The following PRELID2 variants were observed in gnomAD, a reference collection of about 807,000 sequenced individuals.
PRELID2 encodes PRELI domain containing 2.
In PRELID2, 25 loss-of-function variants were observed where a neutral mutation model predicts 28.4. The observed-to-expected ratio is 0.88, with a 90% confidence interval of 0.64 to 1.23. The LOEUF is 1.23. Ranked by LOEUF, PRELID2 falls within the 50% of genes most tolerant of loss-of-function variation. PRELID2 has a pLI of 0.00. For missense variants in PRELID2, 201 were observed against 214.4 expected, an observed-to-expected ratio of 0.94 and a Z score of 0.39; for synonymous variants, 76 against 71.6, an observed-to-expected ratio of 1.06 and a Z score of -0.31.
chr5:145,497,212 T>C (rs1424118270), intron 1 of PRELID2, among the ~76,000 whole-genome samples: 3 of 152,138 alleles, frequency 2.0e-5, no homozygotes, highest in African/African-American at 7.2e-5. Context: ...GTTTTAGAGA[T>C]TTCCCAGGGG....
At chr5:145,363,813 A>G in the PRELID2 span, among the ~76,000 whole-genome samples, 15 of 152,172 alleles carry the variant, frequency 9.9e-5, no homozygotes, top group Admixed American at 2.0e-4. Context: ...AGTTATGTTT[A>G]CAGCGTTCTG....
the PRELID2 span, among the ~76,000 whole-genome samples, chr5:145,349,346 A>G: frequency 3.3e-5 from 5 of 152,156 alleles, no homozygotes; most frequent in African/African-American, 9.7e-5. Context: ...AACATTTGCC[A>G]TTATGGCTGC....
chr5:145,561,415 G>T (rs1752924546), intron 1 of PRELID2, among the ~76,000 whole-genome samples: 1 of 152,058 alleles, frequency 6.6e-6, no homozygotes, highest in Admixed American at 6.6e-5. Context: ...CTCCCAGACA[G>T]GGGCTTTATT....
chr5:145,569,855 G>C (rs1753001969), intron 1 of PRELID2, among the ~76,000 whole-genome samples: 1 of 152,036 alleles, frequency 6.6e-6, no homozygotes, highest in Non-Finnish European at 1.5e-5. Flanking sequence ...TGTGAATTTT[G>C]TAAGTCTTTG....
chr5:145,723,165 T>C (rs1413212217), intron 1 of PRELID2, among the ~76,000 whole-genome samples: 1 of 152,170 alleles, frequency 6.6e-6, no homozygotes, highest in Non-Finnish European at 1.5e-5. Context: ...ATAGAATTCA[T>C]CACCATACTG....
At chr5:145,387,118 G>A in the PRELID2 span, among the ~76,000 whole-genome samples, 9 of 152,192 alleles carry the variant, frequency 5.9e-5, no homozygotes, top group East Asian at 7.7e-4. Flanking sequence ...AATAACACTC[G>A]GGTAATGTGC....
At chr5:145,428,807 C>A in the PRELID2 span, among the ~76,000 whole-genome samples, 1 of 152,006 alleles carries the variant, frequency 6.6e-6, no homozygotes, top group Admixed American at 6.6e-5. Context: ...AAGAAATAAG[C>A]AAGGGAGGCA....
intron 6 of PRELID2, among the ~76,000 whole-genome samples, chr5:145,761,148 T>C (rs1283761550): frequency 6.6e-6 from 1 of 152,216 alleles, no homozygotes; most frequent in African/African-American, 2.4e-5. Context: ...ATAAAAATAT[T>C]AAATACTGTC....
At chr5:145,651,682 G>A (rs1288851091) in intron 1 of PRELID2, among the ~76,000 whole-genome samples, 1 of 152,206 alleles carries the variant, frequency 6.6e-6, no homozygotes, top group African/African-American at 2.4e-5. Context: ...CAACAGACCT[G>A]CAGCTGAGGG....
the PRELID2 span, among the ~76,000 whole-genome samples, chr5:145,387,061 ATAG>A: frequency 5.3e-5 from 8 of 152,324 alleles, no homozygotes; most frequent in South Asian, 1.7e-3. Flanking sequence ...ACATAAATTA[ATAG>A]TAGTCAATAA....
the PRELID2 span, among the ~76,000 whole-genome samples, chr5:145,403,351 A>C: frequency 5.3e-5 from 8 of 152,198 alleles, no homozygotes; most frequent in Non-Finnish European, 1.2e-4. Flanking sequence ...CAGCCTGGGC[A>C]ACATAGTGAG....
At chr5:145,496,425 T>C (rs902103312) in intron 1 of PRELID2, among the ~76,000 whole-genome samples, 10 of 152,068 alleles carry the variant, frequency 6.6e-5, no homozygotes, top group African/African-American at 2.4e-4. Flanking sequence ...GGTAAGTATA[T>C]ACAGAAAAAA....
At chr5:145,585,514 T>C (rs1753145696) in intron 1 of PRELID2, among the ~76,000 whole-genome samples, 1 of 152,104 alleles carries the variant, frequency 6.6e-6, no homozygotes, top group African/African-American at 2.4e-5. Context: ...ATGGTTAGAA[T>C]TACATAAGGT....
At chr5:145,690,654 G>A (rs1328568701) in intron 1 of PRELID2, among the ~76,000 whole-genome samples, 2 of 152,194 alleles carry the variant, frequency 1.3e-5, no homozygotes, top group Non-Finnish European at 2.9e-5. Flanking sequence ...GTACTGTCAG[G>A]CCTTTTCAGT....
chr5:145,309,402 G>C, the PRELID2 span, among the ~76,000 whole-genome samples: 4 of 152,296 alleles, frequency 2.6e-5, no homozygotes, highest in Non-Finnish European at 5.9e-5. Context: ...ATGTTGGATA[G>C]CAGTGAAAGA....
chr5:145,594,344 T>C (rs1753273104), intron 1 of PRELID2, among the ~76,000 whole-genome samples: 1 of 152,200 alleles, frequency 6.6e-6, no homozygotes, highest in Non-Finnish European at 1.5e-5. Context: ...TGGTGTTTTT[T>C]TTGTTTTGAG....
intron 1 of PRELID2, among the ~76,000 whole-genome samples, chr5:145,577,823 ACAGGCCTCTTAAAGG>A (rs1753073651): frequency 6.6e-6 from 1 of 152,166 alleles, no homozygotes; most frequent in Non-Finnish European, 1.5e-5. Context: ...TTCCACACTA[ACAGGCCTCTTAAAGG>A]CAAGTATCAT....
the PRELID2 span, among the ~76,000 whole-genome samples, chr5:145,261,481 C>T: frequency 6.6e-6 from 1 of 152,160 alleles, no homozygotes; most frequent in African/African-American, 2.4e-5. Context: ...GCTGAGAGAC[C>T]TGAAGACAGA....
At chr5:145,789,671 C>A (rs1383036495) in intron 5 of PRELID2, among the ~76,000 whole-genome samples, 1 of 152,084 alleles carries the variant, frequency 6.6e-6, no homozygotes, top group Non-Finnish European at 1.5e-5. Context: ...AGCTTATGCA[C>A]AGCAAAGGAA....
Sources: allele counts gnomAD v4.1 joint callset (sites outside exome capture counted in the v4.1 genomes callset), GRCh38; gene constraint gnomAD v4.1.1; transcripts MANE v1.5; gene names NCBI Gene and HGNC (gene_info 2026-07-23, HGNC 2026-07-21).